The following FGF14 variants were observed in gnomAD, a reference collection of about 807,000 sequenced individuals.
FGF14 encodes the protein fibroblast growth factor 14, also known as fibroblast growth factor homologous factor 4.
FGF14 carries 5 observed loss-of-function variants against 25.5 expected under a neutral mutation model. The ratio of observed to expected loss-of-function variants is 0.20; its 90% CI spans 0.10 to 0.41. The LOEUF (loss-of-function observed/expected upper bound fraction) is 0.41. FGF14 is among the 10% of genes least tolerant of loss of function. FGF14 has a pLI of 1.00. For missense variants in FGF14, 222 were observed against 320.1 expected (o/e 0.69, Z 2.34); for synonymous variants, 138 against 118.3 (o/e 1.17, Z -1.08).
intron 1 of FGF14, among the ~76,000 whole-genome samples, chr13:101,896,062 G>A (rs1185265958): frequency 6.6e-6 from 1 of 152,038 alleles, no homozygotes; most frequent in East Asian, 1.9e-4. Flanking sequence ...ATATACCTAT[G>A]GGTTCTCATA....
intron 1 of FGF14, among the ~76,000 whole-genome samples, chr13:102,064,635 G>T (rs535668484): frequency 9.2e-5 from 14 of 152,110 alleles, no homozygotes; most frequent in South Asian, 2.1e-4. Context: ...TCAAATTTGT[G>T]TAAGTCTTTT....
chr13:101,889,238 A>G (rs2046145571), intron 1 of FGF14, among the ~76,000 whole-genome samples: 1 of 152,118 alleles, frequency 6.6e-6, no homozygotes. Flanking sequence ...TTGCCATTTA[A>G]AAAAAATAAA....
At chr13:102,244,842 C>CAAGGA (rs1312433162) in intron 1 of FGF14, among the ~76,000 whole-genome samples, 1 of 152,018 alleles carries the variant, frequency 6.6e-6, no homozygotes, top group Non-Finnish European at 1.5e-5. Context: ...CCACATGTTT[C>CAAGGA]TGTTAACACA....
rs1436100205 is a variant in FGF14 at position 101,719,184 on chromosome 13, T to TAAAG, written c.*3643_*3646dup. 23 of 152,172 alleles carry TAAAG rather than the reference T, an allele frequency of 1.5e-4. No homozygotes were observed. The highest frequency in any genetic ancestry group is 4.4e-5 in the Non-Finnish European group (3 of 68,024). 9.4% of individuals were successfully genotyped at this position (152,172 alleles called of 1,614,324 possible). On this transcript the variant is annotated 3_prime_UTR_variant, in exon 5 of 5. Coordinates refer to ENST00000376143, the MANE Select transcript of FGF14 (RefSeq NM_004115.4). ...TGAAGTGATACGTGTCTAACTTACT[T>TAAAG]AAAGAATAAGTTTTTGGTTTTTGCT...
chr13:102,048,558 T>A (rs2140040315), intron 1 of FGF14, among the ~76,000 whole-genome samples: 1 of 152,282 alleles, frequency 6.6e-6, no homozygotes, highest in East Asian at 1.9e-4. Flanking sequence ...GATCTGAAAG[T>A]CTTCCAGTTC....
At chr13:102,132,990 C>G (rs2046264979) in intron 1 of FGF14, among the ~76,000 whole-genome samples, 2 of 152,180 alleles carry the variant, frequency 1.3e-5, no homozygotes, top group South Asian at 4.1e-4. Context: ...AACATAGCCA[C>G]CAGGGAGCTT....
intron 1 of FGF14, among the ~76,000 whole-genome samples, chr13:102,004,545 C>G (rs1425602006): frequency 6.6e-6 from 1 of 152,196 alleles, no homozygotes; most frequent in Non-Finnish European, 1.5e-5. Flanking sequence ...CAACAAGCCT[C>G]TCTCTAGTTA....
chr13:101,821,115 A>AT (rs1300154570), intron 3 of FGF14, among the ~76,000 whole-genome samples: 2 of 151,010 alleles, frequency 1.3e-5, no homozygotes, highest in Non-Finnish European at 3.0e-5. Context: ...CGCCGGGCTA[A>AT]TTTTTTGTAT....
chr13:102,003,807 A>G (rs1332132429), intron 1 of FGF14, among the ~76,000 whole-genome samples: 1 of 152,022 alleles, frequency 6.6e-6, no homozygotes, highest in Non-Finnish European at 1.5e-5. Flanking sequence ...CTCTAGTTGG[A>G]ACTAGTGGAT....
At chr13:101,983,631 T>G (rs544169286) in intron 1 of FGF14, among the ~76,000 whole-genome samples, 1 of 152,310 alleles carries the variant, frequency 6.6e-6, no homozygotes, top group South Asian at 2.1e-4. Context: ...TTCCTGGCCT[T>G]ACTTACTATA....
intron 1 of FGF14, among the ~76,000 whole-genome samples, chr13:102,194,262 TA>T (rs1309558649): frequency 1.3e-5 from 2 of 152,206 alleles, no homozygotes; most frequent in Non-Finnish European, 2.9e-5. Flanking sequence ...GTAAATGCTT[TA>T]TTTTTCTCTT....
Position 102,400,456 on chromosome 13 carries a change from C to T in FGF14, c.208+1015G>A, listed in dbSNP as rs557124557. On this transcript the variant is annotated intron_variant, in intron 1 of 4. Transcript: ENST00000376131. The surrounding 1 kb of genome is among the most constrained non-coding windows in gnomAD (Gnocchi z 4.3). Reference sequence around the variant, plus strand: ...GCGTGAGCGGTTCCGGGAAAGGCTGCGCCCAGCCTCCTCGCCAGCGCCGCC... The same window carrying T: ...GCGTGAGCGGTTCCGGGAAAGGCTGTGCCCAGCCTCCTCGCCAGCGCCGCC... Among the ~76,000 whole-genome samples, 98 of 152,306 alleles carry T rather than the reference C, an allele frequency of 6.4e-4. No individual in the cohort carries two copies. Among genetic ancestry groups the T allele is most frequent in the Non-Finnish European group, 1.1e-3 (74 of 68,026 alleles).
At chr13:102,214,531 C>G (rs1296683279) in intron 1 of FGF14, among the ~76,000 whole-genome samples, 2 of 152,140 alleles carry the variant, frequency 1.3e-5, no homozygotes, top group Non-Finnish European at 2.9e-5. Context: ...AACAAAAATA[C>G]TCATTAAGTG....
At chr13:102,334,713 A>T (rs1235958212) in intron 1 of FGF14, among the ~76,000 whole-genome samples, 2 of 152,208 alleles carry the variant, frequency 1.3e-5, no homozygotes, top group African/African-American at 4.8e-5. Flanking sequence ...ACTCAAATAG[A>T]AATAATTTGG....
intron 3 of FGF14, among the ~76,000 whole-genome samples, chr13:101,747,443 T>C (rs1344909093): frequency 6.6e-6 from 1 of 152,012 alleles, no homozygotes; most frequent in Non-Finnish European, 1.5e-5. Flanking sequence ...CAAACAGATC[T>C]AATTAATTAC....
intron 3 of FGF14, among the ~76,000 whole-genome samples, chr13:101,770,965 T>A (rs2038730198): frequency 6.6e-6 from 1 of 151,980 alleles, no homozygotes; most frequent in Admixed American, 6.6e-5. Context: ...ACACACAGAT[T>A]TAAAATTATA....
At chr13:102,013,575 CA>C (rs1321614195) in intron 1 of FGF14, among the ~76,000 whole-genome samples, 2 of 152,070 alleles carry the variant, frequency 1.3e-5, no homozygotes, top group African/African-American at 4.8e-5. Context: ...TGAATAAACC[CA>C]AAGGAATTGT....
At chr13:102,290,316 G>A (rs1431550753) in intron 1 of FGF14, among the ~76,000 whole-genome samples, 1 of 152,146 alleles carries the variant, frequency 6.6e-6, no homozygotes, top group African/African-American at 2.4e-5. Flanking sequence ...GCCAGAGTAT[G>A]AGCCCTCACC....
intron 3 of FGF14, among the ~76,000 whole-genome samples, chr13:101,767,122 C>G (rs966209521): frequency 1.3e-5 from 2 of 152,118 alleles, no homozygotes; most frequent in African/African-American, 2.4e-5. Flanking sequence ...TTATCGTAGG[C>G]CTTTACATAT....
Sources: allele counts gnomAD v4.1 joint callset (sites outside exome capture counted in the v4.1 genomes callset), GRCh38; gene constraint gnomAD v4.1.1; non-coding constraint Gnocchi (gnomAD v3.1); transcripts MANE v1.5; gene names NCBI Gene and HGNC (gene_info 2026-07-23, HGNC 2026-07-21).